LOC101059915: variants seen among roughly 807,000 people sequenced by gnomAD.
chrX:71,667,821 A>C, the LOC101059915 span: 2 of 1,065,716 alleles, frequency 1.9e-6, no homozygotes. Context: ...CCACGGATGA[A>C]GTGTCCGTTT....
At chrX:71,671,226 T>C in the LOC101059915 span, 3 of 1,165,666 alleles carry the variant, frequency 2.6e-6, no homozygotes, top group Non-Finnish European at 3.4e-6. Context: ...AGTTCCTCAC[T>C]GACAAGTTCC....
the LOC101059915 span, chrX:71,668,065 C>T: frequency 2.8e-5 from 32 of 1,155,094 alleles, no homozygotes; most frequent in Non-Finnish European, 3.6e-5. Flanking sequence ...GGAAGGCCGG[C>T]CTGGCACCCC....
the LOC101059915 span, chrX:71,669,515 C>G: frequency 6.3e-6 from 6 of 949,118 alleles, no homozygotes; most frequent in African/African-American, 1.0e-4. Flanking sequence ...GTGTACTCAC[C>G]GCCCGTCCCC....
At chrX:71,669,873 G>T in the LOC101059915 span, among the ~76,000 whole-genome samples, 4 of 101,947 alleles carry the variant, frequency 3.9e-5, no homozygotes, top group Non-Finnish European at 6.0e-5. Flanking sequence ...CTGGCTTTAA[G>T]CCACATCGTC....
At chrX:71,668,075 C>G in the LOC101059915 span, 14 of 1,152,182 alleles carry the variant, frequency 1.2e-5, no homozygotes, top group Non-Finnish European at 1.5e-5. Context: ...CCTGGCACCC[C>G]GGTCGACGAC....
At chrX:71,668,492 G>T in the LOC101059915 span, 20 of 1,149,113 alleles carry the variant, frequency 1.7e-5, no homozygotes, top group African/African-American at 5.4e-5. Flanking sequence ...AAAGAAGGAA[G>T]CCAGGCCAAG....
the LOC101059915 span, chrX:71,671,450 G>T: frequency 2.4e-6 from 1 of 408,967 alleles, no homozygotes; most frequent in Non-Finnish European, 4.3e-6. Flanking sequence ...GTTCAGCCAG[G>T]GCTTCCTCTC....
the LOC101059915 span, chrX:71,669,548 TTC>T: frequency 3.1e-6 from 3 of 956,490 alleles, no homozygotes; most frequent in South Asian, 5.7e-5. Context: ...ACTCAGAAAT[TTC>T]TGTTTTAGCT....
the LOC101059915 span, chrX:71,668,649 G>A: frequency 3.7e-6 from 4 of 1,079,385 alleles, no homozygotes; most frequent in Non-Finnish European, 4.8e-6. Flanking sequence ...TGGGAGAGCT[G>A]GACGTGCCTT....
chrX:71,668,991 G>A, the LOC101059915 span: 10 of 1,163,049 alleles, frequency 8.6e-6, no homozygotes, highest in Non-Finnish European at 1.0e-5. Flanking sequence ...CCCAGGCTGC[G>A]GCCAGAGAAG....
the LOC101059915 span, chrX:71,668,159 A>G: frequency 8.8e-7 from 1 of 1,133,649 alleles, no homozygotes. Flanking sequence ...TCCAGCGTCC[A>G]GGGACACCCG....
the LOC101059915 span, chrX:71,671,260 A>G: frequency 8.6e-7 from 1 of 1,163,506 alleles, no homozygotes; most frequent in Non-Finnish European, 1.1e-6. Context: ...TGAGTGTTGC[A>G]CACGTCATGT....
the LOC101059915 span, chrX:71,668,589 C>T: frequency 3.6e-6 from 4 of 1,097,363 alleles, no homozygotes; most frequent in African/African-American, 7.5e-5. Context: ...AGGGACCTCT[C>T]CTGATCTCTC....
the LOC101059915 span, chrX:71,667,984 G>C: frequency 8.6e-7 from 1 of 1,164,524 alleles, no homozygotes; most frequent in African/African-American, 1.8e-5. Flanking sequence ...CGGGTTCACA[G>C]ATCCCGAGAG....
chrX:71,670,037 G>T, the LOC101059915 span, among the ~76,000 whole-genome samples: 2 of 112,575 alleles, frequency 1.8e-5, no homozygotes, highest in Non-Finnish European at 3.8e-5. Context: ...CTGCCGCACT[G>T]CTGGAGTCCA....
chrX:71,668,495 A>G, the LOC101059915 span: 1 of 1,151,760 alleles, frequency 8.7e-7, no homozygotes, highest in Non-Finnish European at 1.2e-6. Context: ...GAAGGAAGCC[A>G]GGCCAAGCCC....
the LOC101059915 span, chrX:71,669,186 G>T: frequency 4.4e-3 from 3,343 of 766,077 alleles, 3 homozygotes; most frequent in Non-Finnish European, 5.4e-3. Flanking sequence ...TTGTCATCGG[G>T]AGCCCAGGGA....
At chrX:71,669,003 T>A in the LOC101059915 span, 7 of 1,163,142 alleles carry the variant, frequency 6.0e-6, no homozygotes, top group Non-Finnish European at 8.0e-6. Context: ...CCAGAGAAGA[T>A]AATGACCCAA....
At chrX:71,671,181 T>C in the LOC101059915 span, 1 of 1,163,832 alleles carries the variant, frequency 8.6e-7, no homozygotes, top group South Asian at 1.9e-5. Flanking sequence ...GGGTCTGGAG[T>C]ACCCAGTTCT....
Sources: gnomAD v4.1 joint callset for allele counts (sites outside exome capture counted in the v4.1 genomes callset) on GRCh38, gnomAD v4.1.1 for gene constraint, MANE v1.5 for transcripts.